Variants in KMO observed in about 807,000 individuals in gnomAD.
KMO encodes kynurenine 3-monooxygenase.
In KMO, 24 loss-of-function variants were observed where a neutral mutation model predicts 57.8. That is an observed-to-expected ratio of 0.42 (90% CI 0.30 to 0.58). The LOEUF (loss-of-function observed/expected upper bound fraction) is 0.58. Among genes scored for constraint, KMO ranks in the 20% least tolerant of loss-of-function variants. The pLI, the probability that KMO is intolerant of heterozygous loss-of-function variation, is 0.22. For synonymous variants in KMO, 210 were observed against 193.6 expected, an observed-to-expected ratio of 1.08 and a Z score of -0.70; for missense variants, 483 against 588.2, an observed-to-expected ratio of 0.82 and a Z score of 1.85.
chr1:241,562,862 AGAAG>A (rs1173823057), intron 7 of KMO, among the ~76,000 whole-genome samples: 3,912 of 104,346 alleles, frequency 0.037, 140 homozygotes, highest in Admixed American at 0.11. Flanking sequence ...AAGGAAGGAA[AGAAG>A]GAAGGAAGGA....
chr1:241,541,682 T>C (rs1235822187), intron 1 of KMO, among the ~76,000 whole-genome samples: 1 of 152,162 alleles, frequency 6.6e-6, no homozygotes, highest in Non-Finnish European at 1.5e-5. Context: ...AATAAAACAA[T>C]ATTTGGCATA....
intron 1 of KMO, among the ~76,000 whole-genome samples, chr1:241,537,396 T>C (rs1445182421): frequency 6.6e-6 from 1 of 152,234 alleles, no homozygotes; most frequent in Non-Finnish European, 1.5e-5. Flanking sequence ...TTCAAGTGCA[T>C]ACTTTATATT....
chr1:241,550,995 A>G lies in KMO; in HGVS notation c.263A>G (p.His88Arg), dbSNP rs1388833241. The G allele has an allele frequency of 3.8e-6, 6 of 1,562,964 alleles. No individual in the cohort carries two copies. Among genetic ancestry groups the G allele is most frequent in the Non-Finnish European group, 5.2e-6 (6 of 1,159,146 alleles). The change falls in exon 4 of 15, where the codon CAC becomes CGC. Residue 88 changes from histidine (H) to arginine (R), a missense_variant. Physicochemically the swap from His to Arg is conservative, Grantham distance 29. Coordinates refer to ENST00000366559, the MANE Select transcript of KMO (RefSeq NM_003679.5). Reference protein sequence around the residue: ...QGIPMRARMIHSLSGKKSAIP... With the variant: ...QGIPMRARMIRSLSGKKSAIP... ...ATTCCCATGAGAGCAAGAATGATCCACTCTCTTTCAGGAAAAAAGTCTGCA... is the reference window on the plus strand; with the variant it reads ...ATTCCCATGAGAGCAAGAATGATCCGCTCTCTTTCAGGAAAAAAGTCTGCA...
chr1:241,591,272 T>C (rs1558434042), intron 14 of KMO, among the ~76,000 whole-genome samples: 1 of 152,088 alleles, frequency 6.6e-6, no homozygotes. Flanking sequence ...CTTCAAACAT[T>C]AACTTAAGCA....
In KMO at chr1:241,588,828, G is replaced by A; in HGVS notation, c.1096G>A (p.Glu366Lys). The A allele has an allele frequency of 6.2e-7, 1 of 1,608,262 alleles. No individual in the cohort carries two copies. Among genetic ancestry groups the A allele is most frequent in the Non-Finnish European group, 8.5e-7 (1 of 1,175,046 alleles). The part of the protein sequence containing the change: ...ISDLSMYNYI[E>K]MRAHVNSSWF... ...AGACCTATCCATGTACAATTACATA[G>A]AGGTGAGTGAGAAGGTTTGGCTTTA... Residue 366 changes from glutamate (E) to lysine (K), a missense_variant and splice_region_variant, in exon 12 of 15, where the codon GAG becomes AAG. Transcript: ENST00000366559.
chr1:241,554,738 A>C (rs904894591), intron 4 of KMO, among the ~76,000 whole-genome samples: 1 of 151,314 alleles, frequency 6.6e-6, no homozygotes, highest in Admixed American at 6.6e-5. Context: ...TGGGTGGCCA[A>C]GGTCGGTGGA....
intron 10 of KMO, among the ~76,000 whole-genome samples, chr1:241,575,672 C>T (rs1047074792): frequency 1.3e-5 from 2 of 152,014 alleles, no homozygotes; most frequent in Non-Finnish European, 2.9e-5. Context: ...TTTATTGAGA[C>T]TTGTTTTATG....
At chr1:241,537,792 A>C (rs547761578) in intron 1 of KMO, among the ~76,000 whole-genome samples, 1 of 152,286 alleles carries the variant, frequency 6.6e-6, no homozygotes, top group South Asian at 2.1e-4. Flanking sequence ...CATGAGACTC[A>C]TTCACTATCA....
In KMO at chr1:241,591,710, A is replaced by AT. The variant is rs1246506133; in HGVS notation, c.1261-236dup. Among the ~76,000 whole-genome samples the AT allele has an allele frequency of 7.2e-5, 11 of 152,296 alleles. No homozygotes were observed. In the East Asian group the frequency reaches 1.7e-3, roughly 24 times the overall value. On this transcript the variant is annotated intron_variant, in intron 14 of 14. Transcript: ENST00000366559. ...TGGCTGGACAAAAGCTGACTGCTAAATTTTTTTCATACAGAAGACCTGGAT... is the reference window on the plus strand; with the variant it reads ...TGGCTGGACAAAAGCTGACTGCTAAATTTTTTTTCATACAGAAGACCTGGAT...
chr1:241,578,790 T>C (rs1420107993), intron 10 of KMO, among the ~76,000 whole-genome samples: 1 of 152,044 alleles, frequency 6.6e-6, no homozygotes, highest in Admixed American at 6.6e-5. Flanking sequence ...ATACCCAAGA[T>C]TGGGTAATTT....
chr1:241,556,883 A>G (rs1217835194), intron 5 of KMO, among the ~76,000 whole-genome samples: 2 of 151,676 alleles, frequency 1.3e-5, no homozygotes, highest in African/African-American at 4.8e-5. Flanking sequence ...AGCGAGACTC[A>G]GTCCCAATAA....
Position 241,569,746 on chromosome 1 carries a change from T to C in KMO, c.957+1099T>C, listed in dbSNP as rs576701791. 1.3e-4 allele frequency among the ~76,000 whole-genome samples: 20 copies of C among 152,226 alleles called. 1 individual carries two copies. The South Asian group carries it at 3.9e-3, about 30-fold the overall frequency. On this transcript the variant is annotated intron_variant, in intron 10 of 14. Coordinates refer to ENST00000366559, the MANE Select transcript of KMO (RefSeq NM_003679.5). ...TGAGGAACCTCCATGCTGTTTTCCA[T>C]AGTGGTTGTACTAATTTATACTCCC...
At chr1:241,542,256 C>T (rs1003428042) in intron 1 of KMO, among the ~76,000 whole-genome samples, 19 of 152,054 alleles carry the variant, frequency 1.2e-4, no homozygotes, top group Admixed American at 9.8e-4. Context: ...AGCTCAGCAA[C>T]GGAAGACTGG....
chr1:241,560,534 CTTA>C, intron 5 of KMO, 128 bp from the exon 6 acceptor site: 1 of 661,196 alleles, frequency 1.5e-6, no homozygotes, highest in East Asian at 2.8e-5. Context: ...TTTAAGTGAA[CTTA>C]TTTTTACATT....
chr1:241,534,907 C>A (rs930842037), intron 1 of KMO, among the ~76,000 whole-genome samples: 10 of 152,158 alleles, frequency 6.6e-5, no homozygotes, highest in Non-Finnish European at 1.3e-4. Context: ...TCTGGCTTCA[C>A]CCCTTTCCCT....
At chr1:241,578,307 C>T (rs900611722) in intron 10 of KMO, among the ~76,000 whole-genome samples, 56 of 152,142 alleles carry the variant, frequency 3.7e-4, no homozygotes, top group South Asian at 2.1e-4. Context: ...GCACTGCAAA[C>T]ATGACTCTGA....
At chr1:241,555,934 A>T (rs752004358) in intron 5 of KMO, 1 of 267,364 alleles carries the variant, frequency 3.7e-6, no homozygotes, top group African/African-American at 2.2e-5. Context: ...AAGAATAAAA[A>T]ATTAGCTGGG....
At chr1:241,547,429 AAAAG>A (rs1573907453) in intron 1 of KMO, among the ~76,000 whole-genome samples, 1 of 152,202 alleles carries the variant, frequency 6.6e-6, no homozygotes, top group Admixed American at 6.5e-5. Flanking sequence ...AAACAAAAGA[AAAAG>A]AAAGAAAAGA....
intron 10 of KMO, among the ~76,000 whole-genome samples, chr1:241,578,439 C>T (rs1010434365): frequency 5.3e-5 from 8 of 152,104 alleles, no homozygotes; most frequent in Non-Finnish European, 1.0e-4. Flanking sequence ...ATAGGAGTCC[C>T]TGAGAGCTAG....
Sources: gnomAD v4.1 joint callset for allele counts (sites outside exome capture counted in the v4.1 genomes callset) on GRCh38, gnomAD v4.1.1 for gene constraint, MANE v1.5 for transcripts, NCBI Gene and HGNC (gene_info 2026-07-23, HGNC 2026-07-21) for gene names.